Variants in CIT observed in about 807,000 individuals in gnomAD.
CIT encodes citron rho-interacting serine/threonine kinase.
CIT carries 79 observed loss-of-function variants against 272.7 expected under a neutral mutation model. The ratio of observed to expected loss-of-function variants is 0.29; its 90% CI spans 0.24 to 0.35. CIT has a LOEUF of 0.35. Among genes scored for constraint, CIT ranks in the 10% least tolerant of loss-of-function variants. CIT has a pLI of 1.00. For synonymous variants in CIT, 948 were observed against 995.6 expected, an observed-to-expected ratio of 0.95 and a Z score of 0.90; for missense variants, 1,909 against 2,618.3, an observed-to-expected ratio of 0.73 and a Z score of 5.91.
At chr12:119,820,279 G>A (rs921489159) in intron 9 of CIT, among the ~76,000 whole-genome samples, 2 of 151,884 alleles carry the variant, frequency 1.3e-5, no homozygotes, top group Admixed American at 6.5e-5. Context: ...GGCTGGGTGC[G>A]GTGGCTCATG....
intron 28 of CIT, among the ~76,000 whole-genome samples, chr12:119,725,363 T>G (rs986155582): frequency 6.6e-6 from 1 of 151,602 alleles, no homozygotes; most frequent in African/African-American, 2.4e-5. Context: ...GAGGTGGAGG[T>G]TGCAGTGAGC....
chr12:119,729,117 A>T (rs1220625919), intron 27 of CIT, among the ~76,000 whole-genome samples: 3 of 152,236 alleles, frequency 2.0e-5, no homozygotes, highest in Non-Finnish European at 2.9e-5. Context: ...GGTATTGCAA[A>T]GTCTGGAGCT....
chr12:119,762,983 C>T (rs1961999933), intron 19 of CIT, among the ~76,000 whole-genome samples: 1 of 152,156 alleles, frequency 6.6e-6, no homozygotes, highest in African/African-American at 2.4e-5. Flanking sequence ...GAGTTCGAAG[C>T]CTCATTGAGC....
At chr12:119,693,538 T>A (rs1199817174) in intron 46 of CIT, among the ~76,000 whole-genome samples, 2 of 152,166 alleles carry the variant, frequency 1.3e-5, no homozygotes, top group African/African-American at 4.8e-5. Context: ...ACCTATCCAG[T>A]GAGGCAACGG....
At chr12:119,767,036 C>T in intron 19 of CIT, 51 bp downstream of exon 19, 1 of 1,366,986 alleles carries the variant, frequency 7.3e-7, no homozygotes, top group Non-Finnish European at 1.0e-6. Context: ...GAGATGGGAG[C>T]TACATGGTAC....
At chr12:119,750,123 CTT>C (rs1293061622) in intron 23 of CIT, among the ~76,000 whole-genome samples, 1 of 152,188 alleles carries the variant, frequency 6.6e-6, no homozygotes, top group East Asian at 1.9e-4. Flanking sequence ...GCTGATGTCT[CTT>C]TTTCTTTCAG....
At chr12:119,762,208 G>C (rs1370451098) in intron 19 of CIT, among the ~76,000 whole-genome samples, 2 of 152,128 alleles carry the variant, frequency 1.3e-5, no homozygotes, top group African/African-American at 4.8e-5. Context: ...GGAAAGAACA[G>C]ATTTCAAAGA....
chr12:119,718,669 T>A lies in CIT; in HGVS notation c.4003+30A>T. 1 of 1,611,930 alleles carries A rather than the reference T, an allele frequency of 6.2e-7. No individual in the cohort carries two copies. The highest frequency in any genetic ancestry group is 8.5e-7 in the Non-Finnish European group (1 of 1,179,666). Reference sequence around the variant, plus strand: ...TCAATCCTCTGCCTTTTCCACATCCTTGAGCATTTTGGAGAGAGTGAGCCC... The same window carrying A: ...TCAATCCTCTGCCTTTTCCACATCCATGAGCATTTTGGAGAGAGTGAGCCC... On this transcript the variant is annotated intron_variant, in intron 31 of 47. Transcript: ENST00000392521. This position sits in a 1 kb window ranked among gnomAD's most constrained non-coding sequence, Gnocchi z 4.8.
At position 119,713,746 on chromosome 12, in the gene CIT, G is replaced by A. The variant is rs371777785; in HGVS notation, c.4307-98C>T. On this transcript the variant is annotated intron_variant, in intron 33 of 47. Coordinates refer to ENST00000392521, the MANE Select transcript of CIT (RefSeq NM_001206999.2). This position sits in a 1 kb window ranked among gnomAD's most constrained non-coding sequence, Gnocchi z 5.2. ...ACGCCTGGGCTTCTCTACCCCAGCC[G>A]GGCCCAGAGAGTCTGGCCCTGGCTT... The A allele has an allele frequency of 8.4e-5, 110 of 1,308,914 alleles. 1 individual carries two copies. Among genetic ancestry groups the A allele is most frequent in the Non-Finnish European group, 1.1e-4 (101 of 911,618 alleles). 81.1% of individuals were successfully genotyped at this position (1,308,914 alleles called of 1,614,324 possible). A position where few individuals can be genotyped will look rare whatever the true frequency, so the allele number is the denominator to read the frequency against.
rs969680291 is a variant in CIT at position 119,752,182 on chromosome 12, G to A, written c.2772C>T (p.Ser924=). The change falls in exon 23 of 48, where the codon TCC becomes TCT. Residue 924 remains serine, a synonymous_variant. Transcript: ENST00000392521. ...TCAACTGTGACTCGCGCTCCTGCAGGGAGAGCTGTAGCTCTGTGAGCTGGC... is the reference window on the plus strand; with the variant it reads ...TCAACTGTGACTCGCGCTCCTGCAGAGAGAGCTGTAGCTCTGTGAGCTGGC... The part of the protein sequence containing the change: ...LKRQLTELQL[S]LQERESQLTA... 6.2e-7 allele frequency: 1 copy of A among 1,612,152 alleles called. No individual in the cohort carries two copies. The highest frequency in any genetic ancestry group is 1.7e-5 in the Admixed American group (1 of 60,022).
chr12:119,802,160 C>G (rs1415918625), intron 10 of CIT, among the ~76,000 whole-genome samples: 1 of 152,146 alleles, frequency 6.6e-6, no homozygotes, highest in Non-Finnish European at 1.5e-5. Context: ...AAATTCTGCT[C>G]GTCTCCTAAG....
At chr12:119,792,417 G>A (rs907002224) in intron 10 of CIT, among the ~76,000 whole-genome samples, 3 of 152,100 alleles carry the variant, frequency 2.0e-5, no homozygotes, top group Admixed American at 6.5e-5. Flanking sequence ...TCAGCATTCC[G>A]TTTCCAAAAA....
At chr12:119,743,003 T>G (rs1445827797) in intron 23 of CIT, among the ~76,000 whole-genome samples, 1 of 152,088 alleles carries the variant, frequency 6.6e-6, no homozygotes, top group Non-Finnish European at 1.5e-5. Context: ...TACATCGGCC[T>G]TGAAATAAAT....
intron 41 of CIT, 117 bp downstream of exon 41, chr12:119,704,246 A>G: frequency 2.2e-6 from 2 of 909,658 alleles, no homozygotes; most frequent in Non-Finnish European, 3.4e-6. Flanking sequence ...AAAGGCCCGC[A>G]GGGTAGAAGG....
intron 10 of CIT, among the ~76,000 whole-genome samples, chr12:119,799,840 A>ACT (rs1966035069): frequency 9.0e-6 from 1 of 111,312 alleles, no homozygotes; most frequent in Admixed American, 1.1e-4. Context: ...AAACTTTATG[A>ACT]GTTTTTTTTT....
intron 40 of CIT, among the ~76,000 whole-genome samples, chr12:119,706,089 C>CAAA (rs776220898): frequency 0.013 from 1,278 of 98,602 alleles, 28 homozygotes; most frequent in African/African-American, 0.04. Flanking sequence ...GACTCTGTGT[C>CAAA]AAAAAAAAAA....
At chr12:119,732,944 C>G (rs1958543185) in intron 26 of CIT, among the ~76,000 whole-genome samples, 1 of 152,174 alleles carries the variant, frequency 6.6e-6, no homozygotes, top group Non-Finnish European at 1.5e-5. Context: ...AAGCGGCACC[C>G]GTCCTTCTAG....
intron 9 of CIT, among the ~76,000 whole-genome samples, chr12:119,817,888 A>G (rs1159438449): frequency 6.6e-6 from 1 of 151,988 alleles, no homozygotes; most frequent in Non-Finnish European, 1.5e-5. Flanking sequence ...CAGCCTGGGC[A>G]AAGATGGCAA....
At chr12:119,722,526 C>A (rs996962218) in intron 28 of CIT, among the ~76,000 whole-genome samples, 1 of 152,162 alleles carries the variant, frequency 6.6e-6, no homozygotes, top group Non-Finnish European at 1.5e-5. Context: ...TCCTCACCTG[C>A]CCTTCCTCTT....
Sources: allele counts gnomAD v4.1 joint callset (sites outside exome capture counted in the v4.1 genomes callset), GRCh38; gene constraint gnomAD v4.1.1; non-coding constraint Gnocchi (gnomAD v3.1); transcripts MANE v1.5; gene names NCBI Gene and HGNC (gene_info 2026-07-23, HGNC 2026-07-21).